Variants in CMKLR1 observed in about 807,000 individuals in gnomAD.
CMKLR1 encodes the protein chemerin chemokine-like receptor 1, also known as chemerin-like receptor 1.
Under a neutral mutation model 8.2 loss-of-function variants are expected in CMKLR1, and 6 were observed. The ratio of observed to expected loss-of-function variants is 0.73; its 90% confidence interval spans 0.40 to 1.44. The LOEUF is 1.44. Among genes scored for constraint, CMKLR1 ranks in the 40% most tolerant of loss-of-function variants. CMKLR1 has a pLI of 0.02. For synonymous variants in CMKLR1, 178 were observed against 181.2 expected, an observed-to-expected ratio of 0.98 and a Z score of 0.14; for missense variants, 429 against 478.0, an observed-to-expected ratio of 0.90 and a Z score of 0.96.
chr12:108,309,419 T>C (rs570406721), intron 2 of CMKLR1, among the ~76,000 whole-genome samples: 1 of 151,430 alleles, frequency 6.6e-6, no homozygotes, highest in Non-Finnish European at 1.5e-5. Context: ...TGGTAGGCAG[T>C]GGGAACAGCA....
intron 2 of CMKLR1, among the ~76,000 whole-genome samples, chr12:108,326,875 G>A (rs570762358): frequency 1.3e-5 from 2 of 152,314 alleles, no homozygotes; most frequent in Admixed American, 1.3e-4. Context: ...TTTTACAAGG[G>A]ATCTACTAAG....
At chr12:108,337,882 G>A (rs1034129293) in intron 1 of CMKLR1, among the ~76,000 whole-genome samples, 27 of 152,216 alleles carry the variant, frequency 1.8e-4, no homozygotes, top group African/African-American at 5.3e-4. Context: ...AAGGCATTTA[G>A]AGGAATCTTA....
chr12:108,323,154 C>T (rs1299082722), intron 2 of CMKLR1, among the ~76,000 whole-genome samples: 1 of 152,176 alleles, frequency 6.6e-6, no homozygotes, highest in African/African-American at 2.4e-5. Context: ...AGAGTTGCCA[C>T]CTTTCTACAT....
chr12:108,315,784 C>A (rs1190431264), intron 2 of CMKLR1, among the ~76,000 whole-genome samples: 2 of 152,174 alleles, frequency 1.3e-5, no homozygotes, highest in African/African-American at 2.4e-5. Context: ...GGTGGCTTAC[C>A]AAAGCCCCTA....
chr12:108,316,424 C>A (rs1431354825), intron 2 of CMKLR1, among the ~76,000 whole-genome samples: 1 of 152,030 alleles, frequency 6.6e-6, no homozygotes, highest in Non-Finnish European at 1.5e-5. Flanking sequence ...GAGAGGAAAG[C>A]CAGCAGGAAG....
At chr12:108,319,834 C>T (rs1217449604) in intron 2 of CMKLR1, among the ~76,000 whole-genome samples, 1 of 152,104 alleles carries the variant, frequency 6.6e-6, no homozygotes, top group East Asian at 1.9e-4. Flanking sequence ...ATTTCTTTCA[C>T]ACTGAGGTAT....
chr12:108,305,598 A>C (rs1440968906), intron 2 of CMKLR1, among the ~76,000 whole-genome samples: 1 of 152,078 alleles, frequency 6.6e-6, no homozygotes, highest in Non-Finnish European at 1.5e-5. Context: ...CTCCAGAGAC[A>C]CCTCCAGATC....
rs1302240426 is a variant in CMKLR1, at chr12:108,309,620, T to C, written c.-73-15956A>G. ...TGTGGGAGTAAGATGGCCCAGTCAC[T>C]ACCTTCATGCAGAGAAAGTGGTTGC... On this transcript the variant is annotated intron_variant, in intron 2 of 3. Coordinates refer to ENST00000550402, the MANE Select transcript of CMKLR1 (RefSeq NM_001142343.2). Among the ~76,000 whole-genome samples the C allele has an allele frequency of 4.6e-5, 7 of 152,008 alleles. 2 individuals carry two copies. The highest frequency in any genetic ancestry group is 4.6e-4 in the Admixed American group (7 of 15,264).
chr12:108,323,145 G>C (rs1891900124), intron 2 of CMKLR1, among the ~76,000 whole-genome samples: 1 of 152,156 alleles, frequency 6.6e-6, no homozygotes, highest in African/African-American at 2.4e-5. Context: ...GACTGTCATA[G>C]AGTTGCCACC....
At chr12:108,318,354 A>G (rs1891782315) in intron 2 of CMKLR1, among the ~76,000 whole-genome samples, 1 of 152,212 alleles carries the variant, frequency 6.6e-6, no homozygotes, top group South Asian at 2.1e-4. Flanking sequence ...CTTCAGAGCC[A>G]CTTAGACCTT....
rs1891054787 is a variant in CMKLR1, at chr12:108,293,682, A to C, written c.-73-18T>G. On this transcript the variant is annotated intron_variant, in intron 2 of 3. Transcript: ENST00000550402. ...AGAAACACCTGTAGGGAAAAAAAAA[A>C]AAAAAAAAGCAGCAATTGGATCCAG... The C allele has an allele frequency of 7.0e-7, 1 of 1,421,856 alleles. No individual in the cohort carries two copies. Among genetic ancestry groups the C allele is most frequent in the East Asian group, 2.5e-5 (1 of 40,304 alleles). 88.1% of individuals were successfully genotyped at this position (1,421,856 alleles called of 1,614,324 possible).
At chr12:108,308,686 G>C (rs1056299315) in intron 2 of CMKLR1, among the ~76,000 whole-genome samples, 1 of 152,198 alleles carries the variant, frequency 6.6e-6, no homozygotes, top group Non-Finnish European at 1.5e-5. Flanking sequence ...GGCCCCTCCA[G>C]ACAGGCTGAC....
chr12:108,334,592 C>G (rs1279215357), intron 1 of CMKLR1, among the ~76,000 whole-genome samples: 1 of 152,220 alleles, frequency 6.6e-6, no homozygotes, highest in Non-Finnish European at 1.5e-5. Flanking sequence ...TTTCACTTCC[C>G]TCATGCCCAG....
At chr12:108,323,261 GAC>G (rs1234468583) in intron 2 of CMKLR1, among the ~76,000 whole-genome samples, 1 of 152,212 alleles carries the variant, frequency 6.6e-6, no homozygotes, top group African/African-American at 2.4e-5. Flanking sequence ...AAATAGGTGA[GAC>G]ATAGACTCAT....
At chr12:108,306,242 A>C (rs1265765845) in intron 2 of CMKLR1, among the ~76,000 whole-genome samples, 1 of 151,846 alleles carries the variant, frequency 6.6e-6, no homozygotes, top group Admixed American at 6.6e-5. Flanking sequence ...CCACAGCCAC[A>C]CTCCTTGGGT....
chr12:108,330,559 G>A (rs540824259), intron 1 of CMKLR1, among the ~76,000 whole-genome samples: 6 of 152,212 alleles, frequency 3.9e-5, no homozygotes, highest in Non-Finnish European at 7.3e-5. Flanking sequence ...GTCAAGGTCA[G>A]TGCCAATTCA....
intron 2 of CMKLR1, among the ~76,000 whole-genome samples, chr12:108,329,202 C>T (rs1208788484): frequency 2.0e-5 from 3 of 152,188 alleles, no homozygotes. Context: ...GATGCTGTTC[C>T]CATGAAATAA....
chr12:108,312,373 C>T (rs747944914), intron 2 of CMKLR1, among the ~76,000 whole-genome samples: 2 of 152,220 alleles, frequency 1.3e-5, no homozygotes, highest in Non-Finnish European at 2.9e-5. Flanking sequence ...TCCTTCCTCT[C>T]CCTAGGACTT....
chr12:108,310,920 CG>C (rs1891545718), intron 2 of CMKLR1, among the ~76,000 whole-genome samples: 1 of 152,068 alleles, frequency 6.6e-6, no homozygotes, highest in Non-Finnish European at 1.5e-5. Flanking sequence ...TCCCAGGACA[CG>C]TGTGTGAGGC....
Sources: gnomAD v4.1 joint callset for allele counts (sites outside exome capture counted in the v4.1 genomes callset) on GRCh38, gnomAD v4.1.1 for gene constraint, MANE v1.5 for transcripts, NCBI Gene and HGNC (gene_info 2026-07-23, HGNC 2026-07-21) for gene names.